Variants in MILR1 observed in about 807,000 individuals in gnomAD.
MILR1 encodes mast cell immunoglobulin like receptor 1, also known as allergin-1.
A neutral mutation model predicts 18.5 loss-of-function variants in MILR1; 31 were observed. The observed-to-expected ratio is 1.68, with a 90% confidence interval of 1.26 to 2.26. MILR1 has a LOEUF of 2.26. MILR1 is among the 30% of genes most tolerant of loss of function. The probability of loss-of-function intolerance (pLI) is 0.00; values close to 1 mark genes in which losing one functional copy is unlikely to be tolerated. For synonymous variants in MILR1, 85 were observed against 56.2 expected, an observed-to-expected ratio of 1.51 and a Z score of -2.30; for missense variants, 257 against 157.4, an observed-to-expected ratio of 1.63 and a Z score of -3.38.
intron 6 of MILR1, 73 bp downstream of exon 6, chr17:64,465,614 C>A: frequency 6.7e-7 from 1 of 1,492,454 alleles, no homozygotes; most frequent in Non-Finnish European, 9.1e-7. Context: ...GTTGTACAGA[C>A]ATACGGGAGT....
chr17:64,470,360 C>T (rs2144100621), downstream of MILR1, among the ~76,000 whole-genome samples: 1 of 152,292 alleles, frequency 6.6e-6, no homozygotes, highest in Admixed American at 6.5e-5. Context: ...TCCCAAAGTG[C>T]TGGGATTACA....
the MILR1 span, among the ~76,000 whole-genome samples, chr17:64,475,947 G>A: frequency 1.3e-5 from 2 of 151,106 alleles, no homozygotes; most frequent in Non-Finnish European, 2.9e-5. Context: ...CCAAGTAGCT[G>A]GGATTACAGG....
At chr17:64,474,572 T>A in the MILR1 span, among the ~76,000 whole-genome samples, 3 of 151,714 alleles carry the variant, frequency 2.0e-5, no homozygotes, top group African/African-American at 4.8e-5. Context: ...AGAGATGTGG[T>A]CTATGTTGCC....
the MILR1 span, among the ~76,000 whole-genome samples, chr17:64,486,724 A>G: frequency 2.0e-5 from 3 of 152,162 alleles, no homozygotes; most frequent in Admixed American, 6.5e-5. Flanking sequence ...GGCCTTAGGG[A>G]AAAAAATGGT....
downstream of MILR1, among the ~76,000 whole-genome samples, chr17:64,469,281 G>T (rs1259720447): frequency 6.6e-6 from 1 of 152,114 alleles, no homozygotes; most frequent in African/African-American, 2.4e-5. Flanking sequence ...CCTCTGGTTT[G>T]CTGTGGATCC....
At chr17:64,450,733 C>G (rs2143995027) in intron 2 of MILR1, among the ~76,000 whole-genome samples, 1 of 152,156 alleles carries the variant, frequency 6.6e-6, no homozygotes, top group South Asian at 2.1e-4. Context: ...CCTCCTGCCT[C>G]TGCCTCCCAA....
At chr17:64,495,701 C>T in the MILR1 span, among the ~76,000 whole-genome samples, 2 of 152,054 alleles carry the variant, frequency 1.3e-5, no homozygotes, top group Non-Finnish European at 2.9e-5. Context: ...AACAACTAAC[C>T]CAACTATTTG....
chr17:64,451,034 A>C (rs958724530), intron 2 of MILR1, among the ~76,000 whole-genome samples: 11 of 152,136 alleles, frequency 7.2e-5, no homozygotes, highest in African/African-American at 2.7e-4. Context: ...TTGCCCTCCC[A>C]ACAAGGCTGA....
At chr17:64,454,398 T>A (rs946608735) in intron 3 of MILR1, among the ~76,000 whole-genome samples, 2 of 152,142 alleles carry the variant, frequency 1.3e-5, no homozygotes, top group Non-Finnish European at 2.9e-5. Flanking sequence ...ATCAAGTCAA[T>A]TAAAATTAGA....
the MILR1 span, among the ~76,000 whole-genome samples, chr17:64,494,827 TA>T: frequency 1.3e-5 from 2 of 152,182 alleles, no homozygotes; most frequent in Non-Finnish European, 2.9e-5. Context: ...GTACTTTCCC[TA>T]ACCCCAGACC....
At chr17:64,474,054 A>C in the MILR1 span, among the ~76,000 whole-genome samples, 8 of 152,150 alleles carry the variant, frequency 5.3e-5, no homozygotes, top group Non-Finnish European at 1.2e-4. Context: ...GTGTGAACTC[A>C]TAATTTATTT....
the MILR1 span, chr17:64,492,559 A>G: frequency 1.4e-6 from 1 of 692,136 alleles, no homozygotes; most frequent in East Asian, 2.7e-5. Context: ...TAATATATTA[A>G]TAGCTACATA....
the MILR1 span, among the ~76,000 whole-genome samples, chr17:64,478,322 A>G: frequency 0.28 from 42,154 of 152,142 alleles, 11,249 homozygotes; most frequent in African/African-American, 0.7. Flanking sequence ...CAATCCAAGA[A>G]CAATTATTTT....
the MILR1 span, among the ~76,000 whole-genome samples, chr17:64,490,151 T>C: frequency 1.3e-5 from 2 of 152,112 alleles, no homozygotes; most frequent in African/African-American, 4.8e-5. Context: ...TCTCAATCTC[T>C]TGACCTCATG....
chr17:64,482,878 C>A, the MILR1 span: 1 of 1,142,166 alleles, frequency 8.8e-7, no homozygotes, highest in South Asian at 1.2e-5. Flanking sequence ...GGATAATACT[C>A]AATCTGTAAT....
At chr17:64,488,173 G>A in the MILR1 span, among the ~76,000 whole-genome samples, 1 of 152,218 alleles carries the variant, frequency 6.6e-6, no homozygotes, top group East Asian at 1.9e-4. Flanking sequence ...AGACCAGCCT[G>A]AGCAACACAG....
intron 6 of MILR1, 45 bp from the exon 7 acceptor site, chr17:64,466,397 C>A: frequency 6.4e-7 from 1 of 1,571,738 alleles, no homozygotes; most frequent in Non-Finnish European, 8.7e-7. Context: ...CCTTTTCTAA[C>A]ACAAACGCCA....
At chr17:64,453,690 C>G (rs1429296177) in intron 3 of MILR1, among the ~76,000 whole-genome samples, 11 of 151,912 alleles carry the variant, frequency 7.2e-5, no homozygotes, top group African/African-American at 2.7e-4. Context: ...GTTTTTCTGT[C>G]CCATTTTCCT....
At chr17:64,490,837 C>T in the MILR1 span, 11 of 1,613,450 alleles carry the variant, frequency 6.8e-6, no homozygotes, top group African/African-American at 4.0e-5. Context: ...TGTAAAAGTT[C>T]GTGATCTCCT....
Sources: allele counts gnomAD v4.1 joint callset (sites outside exome capture counted in the v4.1 genomes callset), GRCh38; gene constraint gnomAD v4.1.1; transcripts MANE v1.5; gene names NCBI Gene and HGNC (gene_info 2026-07-23, HGNC 2026-07-21).